EYS: variants seen among roughly 807,000 people sequenced by gnomAD.
The protein encoded by EYS is EGF-like photoreceptor maintenance factor.
EYS carries 250 observed loss-of-function variants against 282.1 expected under a neutral mutation model. The observed-to-expected ratio is 0.89, with a 90% CI of 0.80 to 0.98. EYS has a LOEUF of 0.98. Among genes scored for constraint, EYS ranks in the 50% least tolerant of loss-of-function variants. The pLI is 0.00. For synonymous variants in EYS, 1,355 were observed against 1,282.9 expected (o/e 1.06, Z -1.20); for missense variants, 4,016 against 3,709.0 (o/e 1.08, Z -2.15).
intron 12 of EYS, among the ~76,000 whole-genome samples, chr6:65,233,423 T>A (rs1766841061): frequency 6.6e-6 from 1 of 152,188 alleles, no homozygotes; most frequent in Non-Finnish European, 1.5e-5. Flanking sequence ...GTGTTTTCCC[T>A]GATCATATTT....
chr6:64,352,265 C>CT (rs1771668795), intron 29 of EYS, among the ~76,000 whole-genome samples: 1 of 151,518 alleles, frequency 6.6e-6, no homozygotes, highest in African/African-American at 2.4e-5. Flanking sequence ...CCTCTGAACT[C>CT]TATTATTTTG....
chr6:65,141,299 A>T (rs1283843890), intron 12 of EYS, among the ~76,000 whole-genome samples: 2 of 152,028 alleles, frequency 1.3e-5, no homozygotes, highest in Non-Finnish European at 2.9e-5. Flanking sequence ...CAACGAGAAC[A>T]CATGGACACA....
intron 28 of EYS, among the ~76,000 whole-genome samples, chr6:64,417,673 T>G: frequency 1.3e-5 from 1 of 77,156 alleles, no homozygotes; most frequent in East Asian, 7.1e-4. Context: ...AGGGTTGGCT[T>G]TTTTTTTTTT....
chr6:64,893,079 A>C (rs1767338244), intron 18 of EYS, among the ~76,000 whole-genome samples: 1 of 151,998 alleles, frequency 6.6e-6, no homozygotes, highest in Admixed American at 6.6e-5. Flanking sequence ...TTTAGTTGTA[A>C]ATTTTCAGTA....
chr6:64,783,011 A>G (rs888555928), intron 22 of EYS, among the ~76,000 whole-genome samples: 1 of 152,184 alleles, frequency 6.6e-6, no homozygotes, highest in African/African-American at 2.4e-5. Context: ...TGCCATGCTT[A>G]GTAGTGTGAT....
intron 31 of EYS, among the ~76,000 whole-genome samples, chr6:64,190,387 G>T (rs539466469): frequency 2.2e-4 from 34 of 152,298 alleles, no homozygotes; most frequent in African/African-American, 7.0e-4. Flanking sequence ...TTCCATGGAA[G>T]GTGGGTAATT....
At chr6:63,954,664 A>C (rs1279740302) in intron 35 of EYS, among the ~76,000 whole-genome samples, 1 of 152,078 alleles carries the variant, frequency 6.6e-6, no homozygotes, top group African/African-American at 2.4e-5. Flanking sequence ...TAGAGTTCCA[A>C]CTTCTATTCC....
At chr6:64,533,027 A>G (rs761607539) in intron 26 of EYS, among the ~76,000 whole-genome samples, 1 of 152,198 alleles carries the variant, frequency 6.6e-6, no homozygotes, top group African/African-American at 2.4e-5. Flanking sequence ...AAACTATAAA[A>G]TTAATTCTGA....
chr6:64,596,910 G>A (rs1009982405), intron 24 of EYS, among the ~76,000 whole-genome samples: 2 of 152,158 alleles, frequency 1.3e-5, no homozygotes, highest in Non-Finnish European at 2.9e-5. Context: ...ACAATTGACA[G>A]AGTGAACAGA....
intron 19 of EYS, among the ~76,000 whole-genome samples, chr6:64,876,331 T>C (rs1416295166): frequency 6.6e-6 from 1 of 152,116 alleles, no homozygotes; most frequent in Non-Finnish European, 1.5e-5. Flanking sequence ...ATGTTTTTTA[T>C]TGGCAGCATG....
chr6:63,877,890 T>C (rs1773021030), intron 35 of EYS, among the ~76,000 whole-genome samples: 1 of 152,224 alleles, frequency 6.6e-6, no homozygotes, highest in African/African-American at 2.4e-5. Context: ...TGAAGGTTTT[T>C]AGCTTCTTTG....
intron 14 of EYS, among the ~76,000 whole-genome samples, chr6:64,947,947 C>T (rs962611220): frequency 6.6e-6 from 1 of 151,524 alleles, no homozygotes; most frequent in Non-Finnish European, 1.5e-5. Flanking sequence ...TATTTTGATG[C>T]CTCAATAATA....
chr6:65,697,047 T>C (rs1400311890), intron 1 of EYS, among the ~76,000 whole-genome samples: 2 of 152,042 alleles, frequency 1.3e-5, no homozygotes, highest in Non-Finnish European at 2.9e-5. Flanking sequence ...AGATTACATA[T>C]ATTCTGAGGC....
intron 30 of EYS, among the ~76,000 whole-genome samples, chr6:64,267,250 A>G (rs1767791293): frequency 6.6e-6 from 1 of 152,158 alleles, no homozygotes; most frequent in South Asian, 2.1e-4. Flanking sequence ...AGAGGCTCGA[A>G]TGGGACTGCT....
intron 31 of EYS, among the ~76,000 whole-genome samples, chr6:64,116,946 C>T (rs1180571395): frequency 6.6e-6 from 1 of 151,958 alleles, no homozygotes; most frequent in Non-Finnish European, 1.5e-5. Context: ...AGGGAAGAGA[C>T]AGACAGTAAT....
chr6:64,478,072 G>T (rs1776328148), intron 26 of EYS, among the ~76,000 whole-genome samples: 1 of 151,926 alleles, frequency 6.6e-6, no homozygotes, highest in Non-Finnish European at 1.5e-5. Context: ...TACTTCTGTA[G>T]AAAGTTTTCC....
chr6:63,834,625 C>CACCA (rs573482709), intron 36 of EYS, among the ~76,000 whole-genome samples: 1 of 133,536 alleles, frequency 7.5e-6, no homozygotes, highest in Admixed American at 7.3e-5. Flanking sequence ...TTAGTTTAGC[C>CACCA]TTGTGGAAGA....
At chr6:63,727,044 T>C (rs1460372814) in intron 41 of EYS, among the ~76,000 whole-genome samples, 2 of 152,210 alleles carry the variant, frequency 1.3e-5, no homozygotes, top group African/African-American at 4.8e-5. Context: ...AAAGTTCAAA[T>C]GTTGGAAGAT....
chr6:65,296,014 C>T lies in EYS; in HGVS notation c.1872G>A (p.Ser624=), dbSNP rs148411571. ...ISVHGLCLAL[S]HNCNCSGLQR... is the part of the protein sequence containing the mutation. ...GCAGACCGCTACAGTTACAATTGTGCGAAAGGGCCAGGCAGAGGCCATGCA... is the reference window on the plus strand; with the variant it reads ...GCAGACCGCTACAGTTACAATTGTGTGAAAGGGCCAGGCAGAGGCCATGCA... Residue 624 remains serine (S), a synonymous_variant, in exon 12 of 43, where the codon TCG becomes TCA. Transcript: ENST00000503581. 1.3e-4 allele frequency: 201 copies of T among 1,551,114 alleles called. 2 individuals are homozygous for T. The African/African-American group carries it at 2.2e-3, about 17-fold the overall frequency.
Sources: allele counts gnomAD v4.1 joint callset (sites outside exome capture counted in the v4.1 genomes callset), GRCh38; gene constraint gnomAD v4.1.1; transcripts MANE v1.5; gene names NCBI Gene and HGNC (gene_info 2026-07-23, HGNC 2026-07-21).